The following LRRC4C variants were observed in gnomAD, a reference collection of about 807,000 sequenced individuals.
The protein encoded by LRRC4C is leucine rich repeat containing 4C, also known as leucine-rich repeat-containing protein 4C.
A neutral mutation model predicts 33.6 loss-of-function variants in LRRC4C; 5 were observed. The observed-to-expected ratio is 0.15, with a 90% confidence interval of 0.08 to 0.31. LRRC4C has a LOEUF of 0.31. Ranked by LOEUF, LRRC4C falls within the 10% of genes least tolerant of loss-of-function variation. LRRC4C has a pLI of 1.00. For missense variants in LRRC4C, 560 were observed against 796.7 expected (o/e 0.70, Z 3.58); for synonymous variants, 329 against 302.0 (o/e 1.09, Z -0.93).
chr11:40,467,555 A>G (rs1021786680), intron 3 of LRRC4C, among the ~76,000 whole-genome samples: 6 of 152,140 alleles, frequency 3.9e-5, no homozygotes, highest in Admixed American at 6.5e-5. Flanking sequence ...CACCAACTCT[A>G]TTGTATCCTC....
intron 3 of LRRC4C, among the ~76,000 whole-genome samples, chr11:40,627,582 T>C (rs1963073153): frequency 6.6e-6 from 1 of 152,136 alleles, no homozygotes; most frequent in Non-Finnish European, 1.5e-5. Context: ...CCTGGACAGG[T>C]AGCTGCACTT....
chr11:40,831,776 A>C (rs1275628654), intron 2 of LRRC4C, among the ~76,000 whole-genome samples: 1 of 151,976 alleles, frequency 6.6e-6, no homozygotes, highest in Non-Finnish European at 1.5e-5. Flanking sequence ...CCTTTATAAA[A>C]CCATTGGATC....
chr11:40,274,280 C>A (rs1296450005), intron 4 of LRRC4C, among the ~76,000 whole-genome samples: 1 of 151,860 alleles, frequency 6.6e-6, no homozygotes, highest in Non-Finnish European at 1.5e-5. Flanking sequence ...AAGCCTCTGG[C>A]CACATCCAGG....
At chr11:40,287,624 T>C (rs1246509733) in intron 4 of LRRC4C, among the ~76,000 whole-genome samples, 2 of 152,192 alleles carry the variant, frequency 1.3e-5, no homozygotes, top group African/African-American at 2.4e-5. Context: ...AAAAATTATT[T>C]TGAAGAAATG....
intron 1 of LRRC4C, among the ~76,000 whole-genome samples, chr11:41,159,607 T>C (rs1944379152): frequency 6.6e-6 from 1 of 152,152 alleles, no homozygotes; most frequent in African/African-American, 2.4e-5. Flanking sequence ...AACTACTTTA[T>C]TGTGATCATT....
intron 3 of LRRC4C, among the ~76,000 whole-genome samples, chr11:40,428,852 T>C (rs1950809756): frequency 1.3e-5 from 2 of 152,152 alleles, no homozygotes; most frequent in South Asian, 4.1e-4. Flanking sequence ...TGAAATCCAA[T>C]TTAAGAGCTC....
chr11:41,438,299 T>G (rs1955506172), intron 1 of LRRC4C, among the ~76,000 whole-genome samples: 1 of 151,976 alleles, frequency 6.6e-6, no homozygotes, highest in African/African-American at 2.4e-5. Flanking sequence ...GACTAGACAC[T>G]AGATGAAAAA....
intron 1 of LRRC4C, among the ~76,000 whole-genome samples, chr11:41,166,020 A>G (rs1338984669): frequency 1.4e-5 from 2 of 146,578 alleles, no homozygotes; most frequent in Non-Finnish European, 3.0e-5. Context: ...AACAAGAGCG[A>G]AATTCTGTCA....
intron 1 of LRRC4C, among the ~76,000 whole-genome samples, chr11:41,152,615 C>G (rs1272136216): frequency 6.6e-6 from 1 of 152,150 alleles, no homozygotes; most frequent in African/African-American, 2.4e-5. Flanking sequence ...TAATTCACCT[C>G]CAAAATTCAC....
At chr11:40,250,299 C>T (rs1049798457) in intron 4 of LRRC4C, among the ~76,000 whole-genome samples, 2 of 151,712 alleles carry the variant, frequency 1.3e-5, no homozygotes, top group Admixed American at 6.6e-5. Context: ...AGAAAGATAC[C>T]GAAATTCTGT....
intron 2 of LRRC4C, among the ~76,000 whole-genome samples, chr11:40,857,313 C>T (rs1434014993): frequency 6.6e-6 from 1 of 152,092 alleles, no homozygotes; most frequent in Non-Finnish European, 1.5e-5. Flanking sequence ...AGGTATTAAG[C>T]CCTGCATGCA....
rs1463613001 is a variant in LRRC4C, at chr11:40,671,877, T to G, written c.-406-23599A>C. 2.0e-5 allele frequency among the ~76,000 whole-genome samples: 3 copies of G among 152,220 alleles called. No homozygotes were observed. In the East Asian group the frequency reaches 5.8e-4, roughly 29 times the overall value. On this transcript the variant is annotated intron_variant, in intron 2 of 6. Transcript: ENST00000528697. ...CATTGTACTTATTCCTATTCTAGAA[T>G]GTACATTTTTCAAAAACGAGATTTT...
At chr11:40,802,543 G>A (rs1247543937) in intron 2 of LRRC4C, among the ~76,000 whole-genome samples, 1 of 151,950 alleles carries the variant, frequency 6.6e-6, no homozygotes, top group Non-Finnish European at 1.5e-5. Flanking sequence ...GGATAAGGAG[G>A]AAGAAAAGAA....
chr11:40,314,615 T>TA lies in LRRC4C; in HGVS notation c.-176+5012_-176+5013insT, dbSNP rs1945484466. Among the ~76,000 whole-genome samples, 2 of 152,138 alleles carry TA rather than the reference T, an allele frequency of 1.3e-5. 1 individual carries two copies. Among genetic ancestry groups the TA allele is most frequent in the Non-Finnish European group, 2.9e-5 (2 of 68,050 alleles). ...CTACATTCCCTTGCTTATTGCAGTA[T>TA]TACTGGCAATAGCCAAGGTATGGAT... On this transcript the variant is annotated intron_variant, in intron 4 of 6. Coordinates refer to ENST00000528697, the MANE Select transcript of LRRC4C (RefSeq NM_001258419.2).
chr11:40,809,086 A>G (rs1009972420), intron 2 of LRRC4C, among the ~76,000 whole-genome samples: 1 of 152,110 alleles, frequency 6.6e-6, no homozygotes, highest in African/African-American at 2.4e-5. Flanking sequence ...TCTGTCTTTG[A>G]AAAAAATCCC....
intron 1 of LRRC4C, among the ~76,000 whole-genome samples, chr11:41,228,071 G>A: frequency 6.6e-6 from 1 of 151,986 alleles, no homozygotes; most frequent in Non-Finnish European, 1.5e-5. Flanking sequence ...TACCTTGCCT[G>A]AAACTACCAA....
At chr11:41,193,382 T>C (rs1373426859) in intron 1 of LRRC4C, among the ~76,000 whole-genome samples, 1 of 152,128 alleles carries the variant, frequency 6.6e-6, no homozygotes, top group Non-Finnish European at 1.5e-5. Flanking sequence ...CATCATATTC[T>C]ATGGGACGAA....
chr11:40,183,704 A>T (rs376637144), intron 5 of LRRC4C, among the ~76,000 whole-genome samples: 8 of 152,360 alleles, frequency 5.3e-5, no homozygotes, highest in African/African-American at 1.9e-4. Flanking sequence ...AAAAAGAAAC[A>T]TGCTGTTTGA....
chr11:41,129,718 G>A (rs975559867), intron 1 of LRRC4C, among the ~76,000 whole-genome samples: 4 of 151,706 alleles, frequency 2.6e-5, no homozygotes, highest in South Asian at 2.1e-4. Context: ...ACTGCTTCCC[G>A]TTTGTGACCA....
Sources: allele counts gnomAD v4.1 joint callset (sites outside exome capture counted in the v4.1 genomes callset), GRCh38; gene constraint gnomAD v4.1.1; transcripts MANE v1.5; gene names NCBI Gene and HGNC (gene_info 2026-07-23, HGNC 2026-07-21).